The following TRRAP variants were observed in gnomAD, a reference collection of about 807,000 sequenced individuals.
The protein encoded by TRRAP is transformation/transcription domain-associated protein.
Under a neutral mutation model 438.8 loss-of-function variants are expected in TRRAP, and 41 were observed. The ratio of observed to expected loss-of-function variants is 0.09; its 90% CI spans 0.07 to 0.12. The LOEUF (loss-of-function observed/expected upper bound fraction) is 0.12, where lower values mean the gene tolerates loss of function less well. TRRAP is among the 10% of genes least tolerant of loss of function. TRRAP has a pLI of 1.00. For missense variants in TRRAP, 3,122 were observed against 5,055.1 expected (o/e 0.62, Z 11.60); for synonymous variants, 1,994 against 1,962.9 (o/e 1.02, Z -0.42).
chr7:98,892,066 G>A (rs1037889237), intron 4 of TRRAP, among the ~76,000 whole-genome samples: 1 of 152,174 alleles, frequency 6.6e-6, no homozygotes, highest in Non-Finnish European at 1.5e-5. Flanking sequence ...GAGATGGTAA[G>A]GGGAGATCCC....
intron 1 of TRRAP, among the ~76,000 whole-genome samples, chr7:98,880,826 A>G (rs1417543322): frequency 6.6e-6 from 1 of 152,212 alleles, no homozygotes; most frequent in Non-Finnish European, 1.5e-5. Flanking sequence ...GGCTCTTTAC[A>G]GAAAATGTTT....
intron 45 of TRRAP, 51 bp downstream of exon 45, chr7:98,959,541 A>G (rs1361959171): frequency 6.3e-7 from 1 of 1,583,874 alleles, no homozygotes; most frequent in Non-Finnish European, 8.6e-7. Context: ...GGCCACTAGC[A>G]GATACTGTCA....
chr7:98,951,756 T>C (rs1191378222), intron 39 of TRRAP, among the ~76,000 whole-genome samples: 2 of 152,214 alleles, frequency 1.3e-5, no homozygotes, highest in Non-Finnish European at 2.9e-5. Context: ...TACATAGTCT[T>C]TGTCCTTTCA....
At chr7:98,957,815 G>C (rs1057055597) in intron 43 of TRRAP, among the ~76,000 whole-genome samples, 166 bp from the exon 44 acceptor site, 1 of 152,102 alleles carries the variant, frequency 6.6e-6, no homozygotes, top group Admixed American at 6.5e-5. Flanking sequence ...TGGCTGTGTC[G>C]ACTTCACCAG....
chr7:98,952,142 G>A (rs1554418335), intron 39 of TRRAP, among the ~76,000 whole-genome samples: 2 of 152,188 alleles, frequency 1.3e-5, no homozygotes, highest in African/African-American at 2.4e-5. Flanking sequence ...TTAAGACCTG[G>A]TAGACAGACA....
chr7:98,959,948 AAAAAAAG>A (rs1473453264), intron 45 of TRRAP, among the ~76,000 whole-genome samples: 9 of 149,840 alleles, frequency 6.0e-5, no homozygotes, highest in African/African-American at 1.2e-4. Context: ...AAAAAAAAAA[AAAAAAAG>A]AAAAAGAAAA....
At chr7:98,998,967 C>G (rs567696835) in intron 67 of TRRAP, 39 of 598,338 alleles carry the variant, frequency 6.5e-5, no homozygotes, top group Non-Finnish European at 1.1e-4. Context: ...AGCAGATGCC[C>G]GTGGTACAGC....
rs541530545 is a variant in TRRAP at position 98,936,719 on chromosome 7, G to A, written c.4112-437G>A. On this transcript the variant is annotated intron_variant, in intron 28 of 72. Transcript: ENST00000456197. Reference sequence around the variant, plus strand: ...CCTATGAAGGTGTCCTGGGATAGGGGTGTCAGTGGGGTCTCTCTTCTTCCC... The same window carrying A: ...CCTATGAAGGTGTCCTGGGATAGGGATGTCAGTGGGGTCTCTCTTCTTCCC... Among the ~76,000 whole-genome samples the A allele has an allele frequency of 6.6e-5, 10 of 152,260 alleles. No individual in the cohort carries two copies. In the East Asian group the frequency reaches 1.7e-3, roughly 26 times the overall value.
At chr7:98,923,349 TG>T (rs1191514056) in intron 21 of TRRAP, among the ~76,000 whole-genome samples, 3 of 152,146 alleles carry the variant, frequency 2.0e-5, no homozygotes, top group Admixed American at 2.0e-4. Context: ...AGGCTCACCA[TG>T]GTGCCTGTCA....
chr7:99,011,391 G>T lies in TRRAP; in HGVS notation c.11193G>T (p.Ala3731=), dbSNP rs765343329. 1.2e-6 allele frequency: 2 copies of T among 1,614,200 alleles called. No homozygotes were observed. Among genetic ancestry groups the T allele is most frequent in the South Asian group, 2.2e-5 (2 of 91,078 alleles). The change falls in exon 72 of 73, where the codon GCG becomes GCT. Residue 3731 remains alanine, a synonymous_variant. Coordinates refer to ENST00000456197, the MANE Select transcript of TRRAP (RefSeq NM_001375524.1). This position sits in a 1 kb window ranked among gnomAD's most constrained non-coding sequence, Gnocchi z 7.1. ...VAYFRFDIND[A]TGDLDANRPV... is the part of the protein sequence containing the mutation. Reference sequence around the variant, plus strand: ...ACTTTCGATTTGACATAAACGACGCGACTGGAGACCTGGATGCCAACCGTC... The same window carrying T: ...ACTTTCGATTTGACATAAACGACGCTACTGGAGACCTGGATGCCAACCGTC...
intron 69 of TRRAP, among the ~76,000 whole-genome samples, chr7:99,006,650 C>T (rs1445072297): frequency 6.6e-6 from 1 of 152,224 alleles, no homozygotes; most frequent in Non-Finnish European, 1.5e-5. Flanking sequence ...TCTGTGTGCA[C>T]TTCACATGCC....
intron 46 of TRRAP, 59 bp from the exon 47 acceptor site, chr7:98,962,243 T>A: frequency 6.2e-7 from 1 of 1,610,864 alleles, no homozygotes. Flanking sequence ...GTCCCTGGCA[T>A]CAGCACTGGT....
At chr7:99,001,867 GTTAC>G (rs1793937235) in intron 67 of TRRAP, among the ~76,000 whole-genome samples, 1 of 152,114 alleles carries the variant, frequency 6.6e-6, no homozygotes, top group African/African-American at 2.4e-5. Context: ...CAGAGCCTTT[GTTAC>G]TTTATTTATA....
intron 3 of TRRAP, among the ~76,000 whole-genome samples, chr7:98,887,487 A>G (rs1165472997): frequency 6.6e-6 from 1 of 152,046 alleles, no homozygotes; most frequent in Non-Finnish European, 1.5e-5. Flanking sequence ...TGATTCCTGC[A>G]CAGCTCCTGG....
rs749686242 is a variant in TRRAP, at chr7:98,976,671, G to A, written c.8148G>A (p.Met2716Ile). The change falls in exon 55 of 73, where the codon ATG (methionine) becomes ATA (isoleucine). Residue 2716 changes from methionine to isoleucine, a missense_variant. Physicochemically the swap from Met to Ile is conservative, Grantham distance 10. Around this residue, in one of 24 missense-constraint regions of TRRAP, gnomAD observed 992 missense variants for 1,281.2 expected, o/e 0.77. Coordinates refer to ENST00000456197, the MANE Select transcript of TRRAP (RefSeq NM_001375524.1). This position sits in a 1 kb window ranked among gnomAD's most constrained non-coding sequence, Gnocchi z 4.6. The stretch of plus-strand genomic sequence containing the variant: ...ACCTCTGGTTCCGGTCCACGCTGAT[G>A]TTGGAGCACCAGGCTTTTGAAAAGG... ...THNLWFRSTL[M>I]LEHQAFEKGL... The A allele has an allele frequency of 7.4e-6, 12 of 1,614,074 alleles. No individual in the cohort carries two copies. Among genetic ancestry groups the A allele is most frequent in the South Asian group, 2.2e-5 (2 of 91,088 alleles).
chr7:98,907,413 T>G (rs1796828699), intron 13 of TRRAP, among the ~76,000 whole-genome samples: 1 of 152,236 alleles, frequency 6.6e-6, no homozygotes. Context: ...AATCAATGTT[T>G]GTCATATTTT....
Position 98,910,082 on chromosome 7 carries a change from T to C in TRRAP, c.1377T>C (p.Ile459=). ...LEVFVLKFHT[I]ARYQLSAIFK... ...TTTTCGTTCTCAAATTCCACACAAT[T>C]GCTCGGTACCAGCTCTCTGCCATTT... Residue 459 remains isoleucine (I), a synonymous_variant, in exon 15 of 73, where the codon ATT becomes ATC. Transcript: ENST00000456197. 6.4e-7 allele frequency: 1 copy of C among 1,553,810 alleles called. No individual in the cohort carries two copies. The highest frequency in any genetic ancestry group is 8.7e-7 in the Non-Finnish European group (1 of 1,151,480).
intron 67 of TRRAP, among the ~76,000 whole-genome samples, chr7:99,000,602 C>T (rs1290697672): frequency 2.7e-4 from 41 of 152,246 alleles, no homozygotes. Flanking sequence ...CCGCCGTCTC[C>T]AGCACTCGCC....
chr7:98,953,407 G>T lies in TRRAP; in HGVS notation c.5704G>T (p.Ala1902Ser). Residue 1902 changes from alanine (A) to serine (S), a missense_variant, in exon 40 of 73, where the codon GCC (alanine) becomes TCC (serine). Transcript: ENST00000456197. ...CCTGGCGCACATTATCGCCAAATTC[G>T]CCATACACAAGAAGATCGTCCTGCA... The part of the protein sequence containing the change: ...LLLAHIIAKF[A>S]IHKKIVLQVF... 3 of 1,612,296 alleles carry T rather than the reference G, an allele frequency of 1.9e-6. No homozygotes were observed. Among genetic ancestry groups the T allele is most frequent in the Non-Finnish European group, 2.5e-6 (3 of 1,180,008 alleles).
Sources: gnomAD v4.1 joint callset for allele counts (sites outside exome capture counted in the v4.1 genomes callset) on GRCh38, gnomAD v4.1.1 for gene constraint, gnomAD v4.1.1 regional missense constraint, Gnocchi (gnomAD v3.1) non-coding constraint, MANE v1.5 for transcripts, NCBI Gene and HGNC (gene_info 2026-07-23, HGNC 2026-07-21) for gene names.